TMEM132D: variants seen among roughly 807,000 people sequenced by gnomAD.
TMEM132D encodes the protein transmembrane protein 132D.
TMEM132D carries 21 observed loss-of-function variants against 62.3 expected under a neutral mutation model. The ratio of observed to expected loss-of-function variants is 0.34; its 90% CI spans 0.24 to 0.49. The LOEUF is 0.49. Among genes scored for constraint, TMEM132D ranks in the 20% least tolerant of loss-of-function variants. TMEM132D has a pLI of 0.99. For missense variants in TMEM132D, 1,346 were observed against 1,402.8 expected (o/e 0.96, Z 0.65); for synonymous variants, 621 against 575.6 (o/e 1.08, Z -1.13).
At chr12:129,894,379 T>G (rs1875033807) in intron 1 of TMEM132D, among the ~76,000 whole-genome samples, 1 of 152,206 alleles carries the variant, frequency 6.6e-6, no homozygotes, top group Non-Finnish European at 1.5e-5. Context: ...CAAGGTGAGA[T>G]TTGGGAGGGG....
intron 3 of TMEM132D, among the ~76,000 whole-genome samples, chr12:129,452,665 G>C (rs1029285666): frequency 1.3e-5 from 2 of 151,984 alleles, no homozygotes; most frequent in African/African-American, 4.8e-5. Context: ...GGCTTCTGGT[G>C]AGAGTATTTT....
chr12:129,473,324 G>GTTTTTTTTTT lies in TMEM132D; in HGVS notation c.1115+57725_1115+57734dup, dbSNP rs751523415. On this transcript the variant is annotated intron_variant, in intron 3 of 8. Transcript: ENST00000422113. The stretch of plus-strand genomic sequence containing the variant: ...TGGCAATAAAGTGATTTTAGTTTTT[G>GTTTTTTTTTT]TTTTTTTTTTTTTTTTTTTTTTGAG... Among the ~76,000 whole-genome samples, 398 of 81,504 alleles carry GTTTTTTTTTT rather than the reference G, an allele frequency of 4.9e-3. 11 individuals carry two copies. Among genetic ancestry groups the GTTTTTTTTTT allele is most frequent in the African/African-American group, 7.0e-3 (147 of 20,918 alleles). 53.5% of individuals were successfully genotyped at this position (81,504 alleles called of 152,430 possible). A position where few individuals can be genotyped will look rare whatever the true frequency, so the allele number is the denominator to read the frequency against.
chr12:129,177,767 T>C (rs893818837), intron 5 of TMEM132D, among the ~76,000 whole-genome samples: 3 of 152,162 alleles, frequency 2.0e-5, no homozygotes, highest in Non-Finnish European at 4.4e-5. Context: ...TGACTCTTAA[T>C]TTTTTTAAAT....
chr12:129,234,769 A>G (rs1299762419), intron 4 of TMEM132D, among the ~76,000 whole-genome samples: 5 of 152,218 alleles, frequency 3.3e-5, no homozygotes, highest in Non-Finnish European at 5.9e-5. Context: ...TATAAGTACT[A>G]TTATTGTGGG....
At chr12:129,632,108 C>A (rs1048577484) in intron 2 of TMEM132D, among the ~76,000 whole-genome samples, 2 of 152,118 alleles carry the variant, frequency 1.3e-5, no homozygotes, top group Non-Finnish European at 2.9e-5. Flanking sequence ...TCAGGTATTT[C>A]GGTGCTGACT....
chr12:129,893,850 C>T (rs1875015096), intron 1 of TMEM132D, among the ~76,000 whole-genome samples: 1 of 152,210 alleles, frequency 6.6e-6, no homozygotes, highest in African/African-American at 2.4e-5. Context: ...GCCTTGGGTC[C>T]AGCCCTCCTG....
chr12:129,776,715 A>G (rs1870937217), intron 1 of TMEM132D, among the ~76,000 whole-genome samples: 1 of 148,568 alleles, frequency 6.7e-6, no homozygotes, highest in South Asian at 2.2e-4. Context: ...TGCAAGTTCT[A>G]GCTTCTTAAC....
At position 129,806,421 on chromosome 12, in the gene TMEM132D, T is replaced by C. The variant is rs1241690030; in HGVS notation, c.79+96840A>G. 6.0e-3 allele frequency among the ~76,000 whole-genome samples: 739 copies of C among 123,424 alleles called. 6 individuals are homozygous for C. Among genetic ancestry groups the C allele is most frequent in the Non-Finnish European group, 9.9e-3 (582 of 59,050 alleles). The allele number at this position is 123,424 out of a possible 152,430, so 81.0% of individuals were successfully genotyped here. On this transcript the variant is annotated intron_variant, in intron 1 of 8. Coordinates refer to ENST00000422113, the MANE Select transcript of TMEM132D (RefSeq NM_133448.3). ...ACATGGATGAAATTGGAAATCATCA[T>C]TCTCAGTAAACTATCGCAAGAACAA... is the stretch of plus-strand genomic sequence containing the variant.
intron 5 of TMEM132D, among the ~76,000 whole-genome samples, chr12:129,113,752 C>T (rs1188109596): frequency 6.6e-6 from 1 of 151,842 alleles, no homozygotes; most frequent in African/African-American, 2.4e-5. Context: ...GAGTCATCTC[C>T]TTCTCGGTGG....
chr12:129,644,653 G>C (rs1372660373), intron 2 of TMEM132D, among the ~76,000 whole-genome samples: 1 of 151,952 alleles, frequency 6.6e-6, no homozygotes, highest in East Asian at 1.9e-4. Flanking sequence ...CCCTCAATGA[G>C]TATTCAGTGA....
rs932298215 is a variant in TMEM132D, at chr12:129,302,138, C to T, written c.1299+35496G>A. ...TTTATTTTTTTATTTTATTTTTTGA[C>T]GAAGTCTTGCTCTCTTGCCAGGCTG... is the stretch of plus-strand genomic sequence containing the variant. On this transcript the variant is annotated intron_variant, in intron 4 of 8. Coordinates refer to ENST00000422113, the MANE Select transcript of TMEM132D (RefSeq NM_133448.3). 3.9e-5 allele frequency among the ~76,000 whole-genome samples: 6 copies of T among 152,308 alleles called. No homozygotes were observed. In the South Asian group the frequency reaches 6.2e-4, roughly 16 times the overall value.
intron 1 of TMEM132D, among the ~76,000 whole-genome samples, chr12:129,872,048 T>G (rs915984480): frequency 1.1e-4 from 17 of 152,198 alleles, no homozygotes; most frequent in African/African-American, 3.6e-4. Flanking sequence ...GGCTCCTTAA[T>G]GCTATCAACT....
In TMEM132D at chr12:129,463,835, T is replaced by C. The variant is rs1329117745; in HGVS notation, c.1115+67224A>G. On this transcript the variant is annotated intron_variant, in intron 3 of 8. Transcript: ENST00000422113. ...TTTTTTATGGCTGCATAGTATTCCA[T>C]GGTGTATATGTGCCACATTTTCTTA... Among the ~76,000 whole-genome samples the C allele has an allele frequency of 9.8e-4, 149 of 152,128 alleles. 3 individuals are homozygous for C. In the East Asian group the frequency reaches 0.025, roughly 26 times the overall value.
chr12:129,848,988 T>C (rs1873448234), intron 1 of TMEM132D, among the ~76,000 whole-genome samples: 1 of 152,232 alleles, frequency 6.6e-6, no homozygotes. Flanking sequence ...GCCTCTCGTA[T>C]AATTGCAAAT....
chr12:129,370,027 C>A (rs1015274437), intron 3 of TMEM132D, among the ~76,000 whole-genome samples: 2 of 152,128 alleles, frequency 1.3e-5, no homozygotes, highest in African/African-American at 2.4e-5. Context: ...CATGGGGCTC[C>A]CCTACCCAGA....
rs869172595 is a variant in TMEM132D, at chr12:129,877,628, C to CACACAGAGAGAG, written c.79+25632_79+25633insCTCTCTCTGTGT. On this transcript the variant is annotated intron_variant, in intron 1 of 8. Transcript: ENST00000422113. ...GCGCGCGCGCGCACACACACACACA[C>CACACAGAGAGAG]AGAGAGAGAGAGAGAGAGAGAGAGA... 4.1e-3 allele frequency among the ~76,000 whole-genome samples: 604 copies of CACACAGAGAGAG among 146,930 alleles called. 6 individuals carry two copies. The highest frequency in any genetic ancestry group is 0.015 in the African/African-American group (581 of 38,520).
intron 4 of TMEM132D, among the ~76,000 whole-genome samples, chr12:129,215,623 T>C (rs963315725): frequency 8.5e-5 from 13 of 152,254 alleles, no homozygotes; most frequent in African/African-American, 3.1e-4. Context: ...GGTGGTGGTA[T>C]GTGGTTAAAA....
intron 4 of TMEM132D, among the ~76,000 whole-genome samples, chr12:129,303,836 G>C (rs1175682488): frequency 2.6e-5 from 4 of 152,038 alleles, no homozygotes; most frequent in Non-Finnish European, 4.4e-5. Context: ...GTGGGTTGAG[G>C]GGGCGGGTTG....
At chr12:129,887,178 A>G (rs1241729814) in intron 1 of TMEM132D, among the ~76,000 whole-genome samples, 3 of 152,144 alleles carry the variant, frequency 2.0e-5, no homozygotes, top group Non-Finnish European at 4.4e-5. Flanking sequence ...CAGGGGGAAA[A>G]CATAAAAACA....
Sources: gnomAD v4.1 joint callset for allele counts (sites outside exome capture counted in the v4.1 genomes callset) on GRCh38, gnomAD v4.1.1 for gene constraint, MANE v1.5 for transcripts, NCBI Gene and HGNC (gene_info 2026-07-23, HGNC 2026-07-21) for gene names.